Variants in TNRC6A observed in about 807,000 individuals in gnomAD.
TNRC6A encodes trinucleotide repeat containing adaptor 6A.
A neutral mutation model predicts 221.2 loss-of-function variants in TNRC6A; 44 were observed. That is an observed-to-expected ratio of 0.20 (90% CI 0.16 to 0.26). The LOEUF is 0.26. TNRC6A is among the 10% of genes least tolerant of loss of function. TNRC6A has a pLI of 1.00. For synonymous variants in TNRC6A, 847 were observed against 838.5 expected (o/e 1.01, Z -0.18); for missense variants, 2,199 against 2,404.4 (o/e 0.91, Z 1.79).
intron 21 of TNRC6A, chr16:24,819,675 C>T (rs1046933840): frequency 5.0e-6 from 1 of 198,142 alleles, no homozygotes; most frequent in Non-Finnish European, 1.0e-5. Flanking sequence ...AGCCAATGCT[C>T]AGCACAGAGA....
chr16:24,785,214 A>C (rs1336350333), intron 5 of TNRC6A, among the ~76,000 whole-genome samples: 2 of 152,194 alleles, frequency 1.3e-5, no homozygotes, highest in African/African-American at 2.4e-5. Flanking sequence ...CCTTCTTCAC[A>C]ACCTCTTCTT....
At chr16:24,701,193 G>A (rs1433169908) in intron 2 of TNRC6A, among the ~76,000 whole-genome samples, 1 of 152,164 alleles carries the variant, frequency 6.6e-6, no homozygotes, top group Non-Finnish European at 1.5e-5. Context: ...AAGCAGAGAT[G>A]ACTCAGGCGG....
intron 18 of TNRC6A, among the ~76,000 whole-genome samples, 155 bp from the exon 19 acceptor site, chr16:24,814,992 C>T (rs114088321): frequency 1.9e-4 from 29 of 152,094 alleles, no homozygotes; most frequent in Admixed American, 7.9e-4. Context: ...TCTTCAAATG[C>T]GATGTTAGAA....
At position 24,708,068 on chromosome 16, in the gene TNRC6A, A is replaced by AC. The variant is rs1555492236; in HGVS notation, n.403-42658_403-42657insC. Among the ~76,000 whole-genome samples, 537 of 150,640 alleles carry AC rather than the reference A, an allele frequency of 3.6e-3. 6 individuals are homozygous for AC. Among genetic ancestry groups the AC allele is most frequent in the Non-Finnish European group, 5.4e-3 (367 of 67,530 alleles). On this transcript the variant is annotated intron_variant and non_coding_transcript_variant, in intron 2 of 2. Transcript: ENST00000566108. ...AGTGAGACTCTGTCAAAAAAAAAAAAACACACACACACACAATGAGTGAGA... is the reference window on the plus strand; with the variant it reads ...AGTGAGACTCTGTCAAAAAAAAAAAACACACACACACACACAATGAGTGAGA...
chr16:24,788,787 T>C (rs2058029796), intron 5 of TNRC6A, among the ~76,000 whole-genome samples: 1 of 152,030 alleles, frequency 6.6e-6, no homozygotes, highest in African/African-American at 2.4e-5. Context: ...TAGCTGGGAC[T>C]ACAGGCGCCC....
chr16:24,683,966 A>G (rs2055580206), intron 2 of TNRC6A, among the ~76,000 whole-genome samples: 1 of 152,230 alleles, frequency 6.6e-6, no homozygotes, highest in South Asian at 2.1e-4. Context: ...TCCAAGCCTC[A>G]GTGAGCTTCT....
upstream of TNRC6A, among the ~76,000 whole-genome samples, chr16:24,726,248 T>C (rs1049737045): frequency 6.6e-6 from 1 of 151,384 alleles, no homozygotes; most frequent in Non-Finnish European, 1.5e-5. Context: ...AGATTACCCA[T>C]CCTAAAGGGA....
At chr16:24,813,948 A>G (rs2058599923) in intron 18 of TNRC6A, among the ~76,000 whole-genome samples, 1 of 152,148 alleles carries the variant, frequency 6.6e-6, no homozygotes, top group African/African-American at 2.4e-5. Flanking sequence ...TGCTTTCCTC[A>G]TGTATCCTGT....
chr16:24,637,966 G>GT, intron 1 of TNRC6A, among the ~76,000 whole-genome samples: 1 of 151,982 alleles, frequency 6.6e-6, no homozygotes, highest in African/African-American at 2.4e-5. Context: ...TGTATTTTTA[G>GT]TAGAGACAGG....
At chr16:24,641,327 A>T (rs1226646541) in intron 2 of TNRC6A, among the ~76,000 whole-genome samples, 1 of 152,142 alleles carries the variant, frequency 6.6e-6, no homozygotes, top group Non-Finnish European at 1.5e-5. Flanking sequence ...TTCTGATATG[A>T]TTCACAGTGT....
chr16:24,798,532 A>G (rs2058266448), intron 11 of TNRC6A, among the ~76,000 whole-genome samples: 1 of 152,236 alleles, frequency 6.6e-6, no homozygotes. Context: ...AAAATAGGAT[A>G]GAAAACATTG....
intron 5 of TNRC6A, among the ~76,000 whole-genome samples, chr16:24,787,836 A>C (rs1195114068): frequency 2.0e-5 from 3 of 152,218 alleles, no homozygotes; most frequent in Non-Finnish European, 4.4e-5. Context: ...CCATTTTAGC[A>C]AATCACCTTA....
chr16:24,723,101 A>G (rs528669913), intron 2 of TNRC6A, among the ~76,000 whole-genome samples: 6 of 152,290 alleles, frequency 3.9e-5, no homozygotes, highest in African/African-American at 1.2e-4. Context: ...ACGTGGGCCC[A>G]TTATGCCACA....
At chr16:24,805,227 GCTAA>G (rs2058406695) in intron 14 of TNRC6A, 76 bp downstream of exon 14, 7 of 1,557,302 alleles carry the variant, frequency 4.5e-6, no homozygotes, top group Non-Finnish European at 6.2e-6. Context: ...GAATAAAATG[GCTAA>G]CTAAGCATTA....
chr16:24,798,101 G>A (rs1043090847), intron 11 of TNRC6A, 135 bp downstream of exon 11: 7 of 615,170 alleles, frequency 1.1e-5, no homozygotes, highest in African/African-American at 7.4e-5. Flanking sequence ...ACATGCTGTG[G>A]TTAAATGAGT....
chr16:24,741,885 G>A (rs1189787693), intron 2 of TNRC6A, among the ~76,000 whole-genome samples: 1 of 152,070 alleles, frequency 6.6e-6, no homozygotes. Context: ...TGCCTAGGCT[G>A]GAATACAGTG....
At chr16:24,723,628 A>T (rs1596549455) in intron 2 of TNRC6A, among the ~76,000 whole-genome samples, 2 of 150,698 alleles carry the variant, frequency 1.3e-5, no homozygotes, top group African/African-American at 4.9e-5. Context: ...GAAGTTGTGG[A>T]TGCTGGACAG....
intron 2 of TNRC6A, among the ~76,000 whole-genome samples, chr16:24,686,997 T>C (rs1312341260): frequency 6.6e-6 from 1 of 152,214 alleles, no homozygotes; most frequent in East Asian, 1.9e-4. Flanking sequence ...AAGTTACTTA[T>C]CCTGTCTGTT....
Position 24,789,382 on chromosome 16 carries a change from CG to C in TNRC6A, c.742del (p.Glu248SerfsTer49). On this transcript the variant is annotated frameshift_variant, in exon 6 of 25. Transcript: ENST00000395799. LOFTEE classifies it high-confidence loss of function. ...TGGCCCTCAGCCCCTGGCAGTGATC[CG>C]GAGTTGGCTTCAGAATGTATGGATG... Reference protein sequence around the residue: ...EAWPSAPGSDPELASECMDAD... With the variant: ...EAWPSAPGSDXELASECMDAD... 6.2e-7 allele frequency: 1 copy of C among 1,614,184 alleles called. No individual in the cohort carries two copies. The highest frequency in any genetic ancestry group is 8.5e-7 in the Non-Finnish European group (1 of 1,180,038).
Sources: gnomAD v4.1 joint callset for allele counts (sites outside exome capture counted in the v4.1 genomes callset) on GRCh38, gnomAD v4.1.1 for gene constraint, MANE v1.5 for transcripts, NCBI Gene and HGNC (gene_info 2026-07-23, HGNC 2026-07-21) for gene names.